The following VSIG10L variants were observed in gnomAD, a reference collection of about 807,000 sequenced individuals.
VSIG10L encodes V-set and immunoglobulin domain-containing protein 10-like.
Under a neutral mutation model 67.3 loss-of-function variants are expected in VSIG10L, and 63 were observed. The ratio of observed to expected loss-of-function variants is 0.94; its 90% CI spans 0.76 to 1.15. The LOEUF (loss-of-function observed/expected upper bound fraction) is 1.15. Ranked by LOEUF, VSIG10L falls within the 50% of genes most tolerant of loss-of-function variation. The probability of loss-of-function intolerance (pLI) is 0.00; values close to 1 mark genes in which losing one functional copy is unlikely to be tolerated. For synonymous variants in VSIG10L, 499 were observed against 524.9 expected, an observed-to-expected ratio of 0.95 and a Z score of 0.67; for missense variants, 1,050 against 1,177.5, an observed-to-expected ratio of 0.89 and a Z score of 1.58.
intron 4 of VSIG10L, chr19:51,339,523 T>C (rs1356360933): frequency 1.2e-5 from 3 of 245,562 alleles, no homozygotes; most frequent in Non-Finnish European, 2.3e-5. Context: ...CCCCTTCCCC[T>C]TTCTAAGACA....
rs916080179 is a variant in VSIG10L at position 51,340,646 on chromosome 19, C to G, written c.976G>C (p.Gly326Arg). ...GAAELRLRCL[G>R]WGPGRGELSW... ...AGCTCCCCGCGACCTGGCCCCCACC[C>G]CAGGCAGCGCAGCCGGAGCTCGGCC... is the stretch of plus-strand genomic sequence containing the variant. Residue 326 changes from glycine (G) to arginine (R), a missense_variant, in exon 3 of 10, where the codon GGG becomes CGG. Physicochemically the swap from Gly to Arg is moderately radical, Grantham distance 125 (BLOSUM62 -2). Transcript: ENST00000335624. The surrounding 1 kb of genome is among the most constrained non-coding windows in gnomAD (Gnocchi z 6.3). 2.6e-6 allele frequency: 4 copies of G among 1,532,886 alleles called. No homozygotes were observed. The highest frequency in any genetic ancestry group is 3.5e-6 in the Non-Finnish European group (4 of 1,145,074). 95.0% of individuals were successfully genotyped at this position (1,532,886 alleles called of 1,614,324 possible).
At chr19:51,333,323 G>A (rs912276049) in intron 9 of VSIG10L, among the ~76,000 whole-genome samples, 6 of 152,218 alleles carry the variant, frequency 3.9e-5, no homozygotes, top group African/African-American at 1.4e-4. Flanking sequence ...GAGGTTAGGA[G>A]TTCGGGACCA....
chr19:51,336,686 G>A (rs538771326), intron 7 of VSIG10L, among the ~76,000 whole-genome samples: 23 of 151,884 alleles, frequency 1.5e-4, no homozygotes, highest in Non-Finnish European at 2.5e-4. Flanking sequence ...TGAAACAGCC[G>A]CCACCAGGAG....
rs1599834315 is a variant in VSIG10L at position 51,339,137 on chromosome 19, G to A, written c.1480C>T (p.Pro494Ser). ...ACTGAGCACTGTGGGGCCCCGGGGG[G>A]CAGGTCTGCGGAGAGAAGGGAGAGA... ...SLLNLTVADL[P>S]PGAPQCSVEG... is the part of the protein sequence containing the mutation. Residue 494 changes from proline (P) to serine (S), a missense_variant, in exon 5 of 10, where the codon CCC (proline) becomes TCC (serine). This residue lies in a region of VSIG10L where 529 missense variants were observed against 584.9 expected (regional missense o/e 0.90). Transcript: ENST00000335624. The A allele has an allele frequency of 1.5e-6, 2 of 1,301,966 alleles. No individual in the cohort carries two copies. The highest frequency in any genetic ancestry group is 9.8e-7 in the Non-Finnish European group (1 of 1,016,450). The allele number at this position is 1,301,966 out of a possible 1,614,324, so 80.7% of individuals were successfully genotyped here. A position where few individuals can be genotyped will look rare whatever the true frequency, so the allele number is the denominator to read the frequency against.
chr19:51,334,296 A>T lies in VSIG10L; in HGVS notation c.2314T>A (p.Leu772Met), dbSNP rs1315383223. ...ATGCCAGCGATGGCCCCATGGCTCA[A>T]CGTGGGGCCTGGAAGAGACAAAGAG... ...QSRVYRAGPT[L>M]SHGAIAGIVL... Residue 772 changes from leucine (L) to methionine (M), a missense_variant, in exon 8 of 10, where the codon TTG (leucine) becomes ATG (methionine). By Grantham distance (15) the Leu-to-Met change is conservative. Around this residue, in one of 3 missense-constraint regions of VSIG10L, gnomAD observed 529 missense variants for 584.9 expected, o/e 0.90. Coordinates refer to ENST00000335624, the MANE Select transcript of VSIG10L (RefSeq NM_001163922.3). 6.4e-7 allele frequency: 1 copy of T among 1,551,488 alleles called. No individual in the cohort carries two copies. Among genetic ancestry groups the T allele is most frequent in the African/African-American group, 1.4e-5 (1 of 73,162 alleles).
In VSIG10L at chr19:51,341,760, A is replaced by G; in HGVS notation, c.288T>C (p.Asn96=). 1 of 1,551,674 alleles carries G rather than the reference A, an allele frequency of 6.4e-7. No individual in the cohort carries two copies. The highest frequency in any genetic ancestry group is 8.7e-7 in the Non-Finnish European group (1 of 1,146,978). ...SSNMSGSFWS[N]VSAEGQDLSP... is the part of the protein sequence containing the mutation. ...TCAAATCTTGGCCCTCAGCAGAAAC[A>G]TTTGACCAGAAGGACCCAGACATGT... Residue 96 remains asparagine (N), a synonymous_variant, in exon 2 of 10, where the codon AAT becomes AAC. Coordinates refer to ENST00000335624, the MANE Select transcript of VSIG10L (RefSeq NM_001163922.3).
chr19:51,340,769 G>GA lies in VSIG10L; in HGVS notation c.896-44_896-43insT. 1 of 1,435,712 alleles carries GA rather than the reference G, an allele frequency of 7.0e-7. No homozygotes were observed. The allele number at this position is 1,435,712 out of a possible 1,614,324, so 88.9% of individuals were successfully genotyped here. A position where few individuals can be genotyped will look rare whatever the true frequency, so the allele number is the denominator to read the frequency against. On this transcript the variant is annotated intron_variant, in intron 2 of 9. Transcript: ENST00000335624. The surrounding 1 kb of genome is among the most constrained non-coding windows in gnomAD (Gnocchi z 6.3). ...GGCTCAGGACCCACCCAGTCCTGGA[G>GA]CCCATCTTTGGTCCCCTTAGAGGGA...
Position 51,340,420 on chromosome 19 carries a change from A to C in VSIG10L, c.1189+13T>G. 5.4e-6 allele frequency: 8 copies of C among 1,475,560 alleles called. No homozygotes were observed. Among genetic ancestry groups the C allele is most frequent in the Non-Finnish European group, 7.2e-6 (8 of 1,111,778 alleles). The allele number at this position is 1,475,560 out of a possible 1,614,324, so 91.4% of individuals were successfully genotyped here. On this transcript the variant is annotated intron_variant, in intron 3 of 9. Coordinates refer to ENST00000335624, the MANE Select transcript of VSIG10L (RefSeq NM_001163922.3). The surrounding 1 kb of genome is among the most constrained non-coding windows in gnomAD (Gnocchi z 6.3). The stretch of plus-strand genomic sequence containing the variant: ...GGACCCCCTGTCCCCGACCCGAGGC[A>C]TCCCCCACTCACAGAAGACGCTGAC...
intron 7 of VSIG10L, among the ~76,000 whole-genome samples, 158 bp downstream of exon 7, chr19:51,337,080 A>C (rs141138585): frequency 3.7e-4 from 56 of 152,302 alleles, no homozygotes; most frequent in African/African-American, 1.3e-3. Flanking sequence ...CCTTGATTTT[A>C]GACTTCTGAC....
At chr19:51,339,979 C>T (rs1019392072) in intron 4 of VSIG10L, 36 bp downstream of exon 4, 2 of 1,336,354 alleles carry the variant, frequency 1.5e-6, no homozygotes, top group African/African-American at 3.1e-5. Context: ...CCGCCCCTCT[C>T]CCAGGCATTC....
At chr19:51,332,836 A>G (rs920547680) in intron 9 of VSIG10L, among the ~76,000 whole-genome samples, 196 bp from the exon 10 acceptor site, 47 of 151,224 alleles carry the variant, frequency 3.1e-4, no homozygotes, top group African/African-American at 1.1e-3. Context: ...CCCAGTTGTT[A>G]TTTTTTATTT....
chr19:51,339,348 T>C (rs1985567036), intron 4 of VSIG10L, among the ~76,000 whole-genome samples: 1 of 152,144 alleles, frequency 6.6e-6, no homozygotes, highest in East Asian at 1.9e-4. Flanking sequence ...TGCCCAACTT[T>C]CTTAAGAAAA....
At position 51,342,012 on chromosome 19, in the gene VSIG10L, A is replaced by G; in HGVS notation, c.41-5T>C. 6.4e-7 allele frequency: 1 copy of G among 1,551,792 alleles called. No individual in the cohort carries two copies. Among genetic ancestry groups the G allele is most frequent in the Non-Finnish European group, 8.7e-7 (1 of 1,146,994 alleles). ...TGAGGATCCCTACCAAGGAGGCTGC[A>G]GAGAAGAGAGGAAGGCATTGGGGGA... On this transcript the variant is annotated splice_polypyrimidine_tract_variant and splice_region_variant and intron_variant, in intron 1 of 9. Coordinates refer to ENST00000335624, the MANE Select transcript of VSIG10L (RefSeq NM_001163922.3). This position sits in a 1 kb window ranked among gnomAD's most constrained non-coding sequence, Gnocchi z 4.4.
Position 51,333,897 on chromosome 19 carries a change from AC to A in VSIG10L, c.2467del (p.Val823SerfsTer11). ...ATGCATCTTCTTTTCTGAGGGGGTG[AC>A]CACGGGGACCAAGGTAGAAGGATGC... ...KKHPSTLVPV[V>X]TPSEKKMHSV... On this transcript the variant is annotated frameshift_variant, in exon 9 of 10. Coordinates refer to ENST00000335624, the MANE Select transcript of VSIG10L (RefSeq NM_001163922.3). LOFTEE classifies it high-confidence loss of function. 1 of 1,551,678 alleles carries A rather than the reference AC, an allele frequency of 6.4e-7. No individual in the cohort carries two copies. The highest frequency in any genetic ancestry group is 8.7e-7 in the Non-Finnish European group (1 of 1,146,994).
chr19:51,340,042 G>A lies in VSIG10L; in HGVS notation c.1447C>T (p.Arg483Cys), dbSNP rs1416361637. ...GCCACTGTAAGGTTGAGCAGCGAGC[G>A]GCGGCGGCGGCCGGTACGCGGGTTC... ...AANPRTGRRR[R>C]SLLNLTVADL... is the part of the protein sequence containing the mutation. The change falls in exon 4 of 10, where the codon CGC (arginine) becomes TGC (cysteine). Residue 483 changes from arginine to cysteine, a missense_variant. This residue lies in a region of VSIG10L where 529 missense variants were observed against 584.9 expected (regional missense o/e 0.90). Coordinates refer to ENST00000335624, the MANE Select transcript of VSIG10L (RefSeq NM_001163922.3). The surrounding 1 kb of genome is among the most constrained non-coding windows in gnomAD (Gnocchi z 6.3). The A allele has an allele frequency of 1.2e-5, 17 of 1,419,600 alleles. No individual in the cohort carries two copies. The South Asian group carries it at 1.3e-4, about 11-fold the overall frequency. The allele number at this position is 1,419,600 out of a possible 1,614,324, so 87.9% of individuals were successfully genotyped here.
At position 51,334,291 on chromosome 19, in the gene VSIG10L, G is replaced by A. The variant is rs1428338640; in HGVS notation, c.2319C>T (p.Ser773=). The part of the protein sequence containing the change: ...SRVYRAGPTL[S]HGAIAGIVLG... ...GGACGATGCCAGCGATGGCCCCATG[G>A]CTCAACGTGGGGCCTGGAAGAGACA... The change falls in exon 8 of 10, where the codon AGC becomes AGT. Residue 773 remains serine, a synonymous_variant. Transcript: ENST00000335624. 1 of 1,551,636 alleles carries A rather than the reference G, an allele frequency of 6.4e-7. No individual in the cohort carries two copies. The highest frequency in any genetic ancestry group is 8.7e-7 in the Non-Finnish European group (1 of 1,146,940).
In VSIG10L at chr19:51,333,807, G is replaced by A. The variant is rs763422181; in HGVS notation, c.2558C>T (p.Ser853Leu). ...CACACTCACTTGGTAGGCCCTAGTT[G>A]AGCTGTGGTCCTCCAGAGGGACTTT... The part of the protein sequence containing the change: ...DLKVPLEDHS[S>L]TRAYQAQTPV... The change falls in exon 9 of 10, where the codon TCA becomes TTA. Residue 853 changes from serine (S) to leucine (L), a missense_variant. Physicochemically the swap from Ser to Leu is moderately radical, Grantham distance 145 (BLOSUM62 -2). Around this residue, in one of 3 missense-constraint regions of VSIG10L, gnomAD observed 529 missense variants for 584.9 expected, o/e 0.90. Transcript: ENST00000335624. The A allele has an allele frequency of 1.0e-4, 161 of 1,549,920 alleles. No individual in the cohort carries two copies. Among genetic ancestry groups the A allele is most frequent in the Admixed American group, 1.6e-4 (8 of 50,524 alleles).
In VSIG10L at chr19:51,340,131, CCCGCGGGCA is replaced by C. The variant is rs905063681; in HGVS notation, c.1349_1357del (p.Val450_Ala452del). The C allele has an allele frequency of 2.3e-6, 3 of 1,304,394 alleles. No individual in the cohort carries two copies. In the African/African-American group the frequency reaches 4.6e-5, roughly 20 times the overall value. 80.8% of individuals were successfully genotyped at this position (1,304,394 alleles called of 1,614,324 possible). On this transcript the variant is annotated inframe_deletion, in exon 4 of 10. Transcript: ENST00000335624. This position sits in a 1 kb window ranked among gnomAD's most constrained non-coding sequence, Gnocchi z 6.3. ...GACCGCGGGCAGCAGGAGGCGCGACCCCGCGGGCACCGCGGCCTCGGCCGGGTCCGCCAG... is the reference window on the plus strand; with the variant it reads ...GACCGCGGGCAGCAGGAGGCGCGACCCCGCGGCCTCGGCCGGGTCCGCCAG...
intron 9 of VSIG10L, 55 bp from the exon 10 acceptor site, chr19:51,332,695 A>C: frequency 2.0e-6 from 3 of 1,477,376 alleles, no homozygotes; most frequent in Non-Finnish European, 2.7e-6. Context: ...TGGATGTGAC[A>C]TAACTCACCC....
Sources: allele counts gnomAD v4.1 joint callset (sites outside exome capture counted in the v4.1 genomes callset), GRCh38; gene constraint gnomAD v4.1.1; regional missense constraint gnomAD v4.1.1; non-coding constraint Gnocchi (gnomAD v3.1); transcripts MANE v1.5; gene names NCBI Gene and HGNC (gene_info 2026-07-23, HGNC 2026-07-21).